Variants in KANK1 observed in about 807,000 individuals in gnomAD.
The protein encoded by KANK1 is KN motif and ankyrin repeat domains 1.
Under a neutral mutation model 106.2 loss-of-function variants are expected in KANK1, and 109 were observed. That is an observed-to-expected ratio of 1.03 (90% CI 0.88 to 1.20). KANK1 has a LOEUF of 1.20. Among genes scored for constraint, KANK1 ranks in the 50% most tolerant of loss-of-function variants. The pLI is 0.00. For missense variants in KANK1, 2,399 were observed against 1,710.7 expected (o/e 1.40, Z -7.10); for synonymous variants, 873 against 652.2 (o/e 1.34, Z -5.16).
intron 1 of KANK1, among the ~76,000 whole-genome samples, chr9:510,349 T>C (rs1011714085): frequency 1.3e-5 from 2 of 152,152 alleles, no homozygotes; most frequent in African/African-American, 2.4e-5. Flanking sequence ...TACCATTAAG[T>C]AGTTGATTGT....
intron 1 of KANK1, among the ~76,000 whole-genome samples, chr9:638,126 C>T (rs1363350865): frequency 6.6e-6 from 1 of 152,160 alleles, no homozygotes; most frequent in Non-Finnish European, 1.5e-5. Flanking sequence ...GGATCCAGAA[C>T]TTCTTATCAA....
chr9:471,692 C>G (rs1241033932), intron 2 of KANK1: 1 of 152,278 alleles, frequency 6.6e-6, no homozygotes, highest in East Asian at 1.9e-4. Flanking sequence ...TGATTGAGGC[C>G]AGGGGTTCGA....
intron 10 of KANK1, 148 bp downstream of exon 10, chr9:742,553 C>G (rs1835922985): frequency 1.6e-6 from 1 of 618,608 alleles, no homozygotes; most frequent in Non-Finnish European, 2.8e-6. Flanking sequence ...CCTTCACAGC[C>G]AAGCTTGGCT....
intron 3 of KANK1, among the ~76,000 whole-genome samples, chr9:722,569 G>C (rs1380632303): frequency 6.6e-6 from 1 of 152,166 alleles, no homozygotes; most frequent in African/African-American, 2.4e-5. Flanking sequence ...TGGTGCATGC[G>C]GTGCCTACAA....
At chr9:586,149 G>T (rs1479934415) in intron 1 of KANK1, among the ~76,000 whole-genome samples, 2 of 152,196 alleles carry the variant, frequency 1.3e-5, no homozygotes, top group Non-Finnish European at 2.9e-5. Context: ...TTTATGCATA[G>T]TGAGATGGAA....
intron 1 of KANK1, among the ~76,000 whole-genome samples, chr9:600,151 T>C (rs1316818585): frequency 3.3e-5 from 5 of 151,798 alleles, no homozygotes; most frequent in Non-Finnish European, 7.3e-5. Flanking sequence ...CTAAAACTCT[T>C]TTTCATCTTT....
Position 558,231 on chromosome 9 carries a change from C to T in KANK1, c.-84+53477C>T, listed in dbSNP as rs147962305. 1.1e-3 allele frequency among the ~76,000 whole-genome samples: 173 copies of T among 152,182 alleles called. 1 individual carries two copies. The Middle Eastern group carries it at 0.021, about 18-fold the overall frequency. Reference sequence around the variant, plus strand: ...CTGTTCTGTTATATAAATAGGATATCCAGAGATAGCAAACTGCTCACTGCA... The same window carrying T: ...CTGTTCTGTTATATAAATAGGATATTCAGAGATAGCAAACTGCTCACTGCA... On this transcript the variant is annotated intron_variant, in intron 1 of 11. Coordinates refer to ENST00000382297, the MANE Select transcript of KANK1 (RefSeq NM_015158.5).
intron 1 of KANK1, among the ~76,000 whole-genome samples, chr9:635,237 C>T (rs1836800054): frequency 6.6e-6 from 1 of 152,132 alleles, no homozygotes; most frequent in South Asian, 2.1e-4. Flanking sequence ...ACCAAACCTG[C>T]TCTCTGCCCC....
chr9:502,995 C>T (rs1477901112), upstream of KANK1, among the ~76,000 whole-genome samples: 1 of 144,124 alleles, frequency 6.9e-6, no homozygotes, highest in Non-Finnish European at 1.5e-5. Flanking sequence ...CCATCGCGCC[C>T]AGCTGATTTT....
chr9:543,494 G>A (rs1406198534), intron 1 of KANK1, among the ~76,000 whole-genome samples: 1 of 151,504 alleles, frequency 6.6e-6, no homozygotes, highest in Non-Finnish European at 1.5e-5. Context: ...AGGAAGTGGA[G>A]GTTGCAGTGA....
chr9:650,451 G>C (rs1242463874), intron 1 of KANK1, among the ~76,000 whole-genome samples: 1 of 152,188 alleles, frequency 6.6e-6, no homozygotes, highest in Non-Finnish European at 1.5e-5. Flanking sequence ...CTCTTGTTAT[G>C]TAGATTCTTA....
At chr9:672,155 A>G (rs1815312862) in intron 1 of KANK1, among the ~76,000 whole-genome samples, 1 of 152,190 alleles carries the variant, frequency 6.6e-6, no homozygotes, top group African/African-American at 2.4e-5. Context: ...CTAGGGCTGA[A>G]TTGCTCAGCT....
At chr9:514,586 C>G (rs1279791761) in intron 1 of KANK1, among the ~76,000 whole-genome samples, 2 of 151,420 alleles carry the variant, frequency 1.3e-5, no homozygotes, top group African/African-American at 2.5e-5. Context: ...TGTCTAGCTT[C>G]TCTCCATGTT....
chr9:517,079 T>C (rs1004198187), intron 1 of KANK1, among the ~76,000 whole-genome samples: 5 of 151,484 alleles, frequency 3.3e-5, no homozygotes, highest in Non-Finnish European at 7.4e-5. Flanking sequence ...CTATTAGTTA[T>C]CCTTCCAAAA....
chr9:644,969 A>G (rs1333054736), intron 1 of KANK1, among the ~76,000 whole-genome samples: 2 of 149,992 alleles, frequency 1.3e-5, no homozygotes, highest in African/African-American at 5.1e-5. Context: ...AAAATACAAA[A>G]GAATATTAGC....
At chr9:668,362 T>TCTC (rs1563956718) in intron 1 of KANK1, among the ~76,000 whole-genome samples, 41 of 105,580 alleles carry the variant, frequency 3.9e-4, no homozygotes, top group African/African-American at 1.4e-3. Context: ...CTCTCTCTCT[T>TCTC]TGTATCTATT....
rs1478136870 is a variant in KANK1 at position 712,326 on chromosome 9, G to A, written c.1560G>A (p.Val520=). Residue 520 remains valine (V), a synonymous_variant, in exon 3 of 12, where the codon GTG becomes GTA. Coordinates refer to ENST00000382297, the MANE Select transcript of KANK1 (RefSeq NM_015158.5). ...LVFSKVVEAV[V]QTRDQMVGSH... is the part of the protein sequence containing the mutation. ...TCAGTAAGGTGGTGGAGGCAGTGGT[G>A]CAGACCAGAGACCAAATGGTCGGCA... The A allele has an allele frequency of 2.5e-6, 4 of 1,614,236 alleles. No homozygotes were observed. The highest frequency in any genetic ancestry group is 1.6e-4 in the Middle Eastern group (1 of 6,062).
At chr9:623,540 G>C (rs1474361063) in intron 1 of KANK1, among the ~76,000 whole-genome samples, 1 of 150,416 alleles carries the variant, frequency 6.6e-6, no homozygotes, top group Non-Finnish European at 1.5e-5. Flanking sequence ...AAGAGGTCGA[G>C]ACTGCATTGA....
intron 1 of KANK1, among the ~76,000 whole-genome samples, chr9:574,433 T>G (rs977928324): frequency 4.6e-5 from 7 of 152,068 alleles, no homozygotes; most frequent in African/African-American, 1.5e-4. Flanking sequence ...TCTGGGAAAA[T>G]GAGCCTCACT....
Sources: allele counts gnomAD v4.1 joint callset (sites outside exome capture counted in the v4.1 genomes callset), GRCh38; gene constraint gnomAD v4.1.1; transcripts MANE v1.5; gene names NCBI Gene and HGNC (gene_info 2026-07-23, HGNC 2026-07-21).